LINGO2: variants seen among roughly 807,000 people sequenced by gnomAD.
The protein encoded by LINGO2 is leucine rich repeat and Ig domain containing 2.
Under a neutral mutation model 30.6 loss-of-function variants are expected in LINGO2, and 14 were observed. That is an observed-to-expected ratio of 0.46 (90% CI 0.30 to 0.72). LINGO2 has a LOEUF of 0.72. LINGO2 is among the 30% of genes least tolerant of loss of function. The pLI, the probability that LINGO2 is intolerant of heterozygous loss-of-function variation, is 0.07. For synonymous variants in LINGO2, 317 were observed against 288.5 expected, an observed-to-expected ratio of 1.10 and a Z score of -1.00; for missense variants, 729 against 751.7, an observed-to-expected ratio of 0.97 and a Z score of 0.35.
At chr9:28,016,788 C>G (rs996047034) in intron 4 of LINGO2, among the ~76,000 whole-genome samples, 1 of 151,774 alleles carries the variant, frequency 6.6e-6, no homozygotes, top group East Asian at 1.9e-4. Context: ...ATCAATCCTA[C>G]GGAAAATAGT....
At chr9:29,039,835 A>G in the LINGO2 span, among the ~76,000 whole-genome samples, 1 of 152,128 alleles carries the variant, frequency 6.6e-6, no homozygotes, top group East Asian at 1.9e-4. Flanking sequence ...TTGAAAAATC[A>G]AAGCACAGCA....
the LINGO2 span, among the ~76,000 whole-genome samples, chr9:29,202,380 A>C: frequency 6.6e-6 from 1 of 151,976 alleles, no homozygotes; most frequent in Non-Finnish European, 1.5e-5. Flanking sequence ...ACATATTTTT[A>C]AATTGAGTGG....
chr9:28,014,109 C>G (rs1222980807), intron 4 of LINGO2, among the ~76,000 whole-genome samples: 1 of 152,054 alleles, frequency 6.6e-6, no homozygotes, highest in Non-Finnish European at 1.5e-5. Context: ...GGTTACCACT[C>G]AGAAATTATG....
chr9:29,093,890 A>T, the LINGO2 span, among the ~76,000 whole-genome samples: 5 of 138,894 alleles, frequency 3.6e-5, 2 homozygotes, highest in East Asian at 1.2e-3. Flanking sequence ...CAATTTCAGT[A>T]TGTTAAAATA....
intron 2 of LINGO2, among the ~76,000 whole-genome samples, chr9:28,377,502 G>C (rs1350040743): frequency 1.3e-5 from 2 of 152,164 alleles, no homozygotes; most frequent in Non-Finnish European, 2.9e-5. Flanking sequence ...TCGTAGTTAA[G>C]TTCTGGGGGA....
At chr9:28,773,279 G>A in the LINGO2 span, among the ~76,000 whole-genome samples, 1 of 151,402 alleles carries the variant, frequency 6.6e-6, no homozygotes, top group Non-Finnish European at 1.5e-5. Flanking sequence ...GCAGGAGAAT[G>A]GCGTGAACCC....
chr9:28,337,345 C>G (rs1587488917), intron 3 of LINGO2, among the ~76,000 whole-genome samples: 1 of 151,988 alleles, frequency 6.6e-6, no homozygotes, highest in Admixed American at 6.6e-5. Context: ...ATTTTGTAAT[C>G]AAATGTAAAC....
At position 28,199,344 on chromosome 9, in the gene LINGO2, C is replaced by T. The variant is rs201586483; in HGVS notation, c.-87+95864G>A. On this transcript the variant is annotated intron_variant, in intron 4 of 5. Coordinates refer to ENST00000379992, the Ensembl canonical transcript of LINGO2. ...CTATCTTCTTCTTCTTCTTCTTCTT[C>T]TTTTTTTTTTTTTGAGACGGAGTCT... 4.7e-3 allele frequency among the ~76,000 whole-genome samples: 553 copies of T among 117,654 alleles called. 11 individuals are homozygous for T. The highest frequency in any genetic ancestry group is 0.014 in the African/African-American group (456 of 32,578). The allele number at this position is 117,654 out of a possible 152,430, so 77.2% of individuals were successfully genotyped here.
At chr9:28,406,770 A>T (rs1822532100) in intron 2 of LINGO2, among the ~76,000 whole-genome samples, 1 of 152,200 alleles carries the variant, frequency 6.6e-6, no homozygotes, top group African/African-American at 2.4e-5. Flanking sequence ...TAAATATACA[A>T]CAAGGATAAA....
intron 3 of LINGO2, among the ~76,000 whole-genome samples, chr9:28,350,370 C>T (rs1335174694): frequency 1.4e-5 from 2 of 147,480 alleles, no homozygotes; most frequent in Non-Finnish European, 3.0e-5. Flanking sequence ...ATAAAACAGA[C>T]TTTAAAGCAA....
chr9:28,319,683 A>G (rs1824969591), intron 3 of LINGO2, among the ~76,000 whole-genome samples: 1 of 152,114 alleles, frequency 6.6e-6, no homozygotes, highest in Admixed American at 6.6e-5. Context: ...CAGAAAATAG[A>G]TTGGTTGTTT....
chr9:28,148,985 C>A lies in LINGO2; in HGVS notation c.-86-136580G>T. 1 of 1,534,280 alleles carries A rather than the reference C, an allele frequency of 6.5e-7. No individual in the cohort carries two copies. On this transcript the variant is annotated intron_variant, in intron 4 of 5. Transcript: ENST00000379992. The surrounding 1 kb of genome is among the most constrained non-coding windows in gnomAD (Gnocchi z 5.1). ...AAAACTGTCGGGGCCACCGCTGCAG[C>A]TGCAACCGACCCCTCCCCTGCAACT...
chr9:28,709,935 A>AT, the LINGO2 span, among the ~76,000 whole-genome samples: 1 of 151,794 alleles, frequency 6.6e-6, no homozygotes, highest in South Asian at 2.1e-4. Flanking sequence ...ATATGGAAAT[A>AT]TTTTTTAAAT....
chr9:28,597,738 C>CTGTA (rs1258187716), intron 1 of LINGO2, among the ~76,000 whole-genome samples: 2 of 151,950 alleles, frequency 1.3e-5, no homozygotes, highest in African/African-American at 4.8e-5. Flanking sequence ...GTATGTATGT[C>CTGTA]TGTATGTATG....
intron 3 of LINGO2, among the ~76,000 whole-genome samples, chr9:28,367,709 T>C (rs532237174): frequency 1.3e-5 from 2 of 152,266 alleles, no homozygotes; most frequent in African/African-American, 4.8e-5. Context: ...TATTCTGAGC[T>C]TCTATGGTAG....
At chr9:28,442,924 T>C (rs146055383) in intron 2 of LINGO2, among the ~76,000 whole-genome samples, 1 of 152,286 alleles carries the variant, frequency 6.6e-6, no homozygotes, top group East Asian at 1.9e-4. Context: ...CTTCATTACA[T>C]AGTATATATT....
chr9:29,103,238 C>T, the LINGO2 span, among the ~76,000 whole-genome samples: 1 of 151,496 alleles, frequency 6.6e-6, no homozygotes, highest in African/African-American at 2.4e-5. Context: ...TAACCTTTCA[C>T]CATTATCTGA....
At chr9:28,557,645 G>A (rs1822799704) in intron 1 of LINGO2, among the ~76,000 whole-genome samples, 1 of 151,588 alleles carries the variant, frequency 6.6e-6, no homozygotes, top group African/African-American at 2.4e-5. Context: ...TCCCATTACT[G>A]GGTATATACC....
the LINGO2 span, among the ~76,000 whole-genome samples, chr9:29,020,645 G>C: frequency 1.3e-5 from 2 of 152,154 alleles, no homozygotes; most frequent in African/African-American, 4.8e-5. Flanking sequence ...CAGGTACTTG[G>C]CTGCAGGAAG....
Sources: gnomAD v4.1 joint callset for allele counts (sites outside exome capture counted in the v4.1 genomes callset) on GRCh38, gnomAD v4.1.1 for gene constraint, Gnocchi (gnomAD v3.1) non-coding constraint, MANE v1.5 for transcripts, NCBI Gene and HGNC (gene_info 2026-07-23, HGNC 2026-07-21) for gene names.